Variants in SATL1 observed in about 807,000 individuals in gnomAD.
SATL1 encodes the protein spermidine/spermine N(1)-acetyltransferase-like protein 1.
SATL1 carries 47 observed loss-of-function variants against 51.8 expected under a neutral mutation model. The observed-to-expected ratio is 0.91, with a 90% confidence interval of 0.72 to 1.16. SATL1 has a LOEUF of 1.16. SATL1 is among the 50% of genes most tolerant of loss of function. The pLI is 0.00. For synonymous variants in SATL1, 176 were observed against 182.4 expected, an observed-to-expected ratio of 0.97 and a Z score of 0.28; for missense variants, 520 against 526.4, an observed-to-expected ratio of 0.99 and a Z score of 0.12.
chrX:85,175,877 A>T (rs1927071818), intron 2 of SATL1, among the ~76,000 whole-genome samples: 1 of 110,926 alleles, frequency 9.0e-6, no homozygotes, highest in South Asian at 3.8e-4. Flanking sequence ...TTATCTCCTG[A>T]TATTACTTCC....
At chrX:85,094,504 G>A (rs1924635650) in intron 5 of SATL1, among the ~76,000 whole-genome samples, 1 of 111,746 alleles carries the variant, frequency 8.9e-6, no homozygotes, top group Non-Finnish European at 1.9e-5. Context: ...TGTGCTTTGG[G>A]AGGCCAAGGC....
At chrX:85,192,680 C>G (rs1408622865) in intron 2 of SATL1, among the ~76,000 whole-genome samples, 2 of 111,339 alleles carry the variant, frequency 1.8e-5, no homozygotes, top group Non-Finnish European at 3.8e-5. Flanking sequence ...ATATACTCCC[C>G]CCATAGTGCA....
At chrX:85,094,253 T>C (rs755133696) in intron 5 of SATL1, 24 bp from the exon 6 acceptor site, 2 of 923,404 alleles carry the variant, frequency 2.2e-6, no homozygotes, top group South Asian at 4.2e-5. Context: ...AGAAAGGGTG[T>C]AGAAAGGTTG....
At chrX:85,191,885 C>G (rs1362084470) in intron 2 of SATL1, among the ~76,000 whole-genome samples, 1 of 111,396 alleles carries the variant, frequency 9.0e-6, no homozygotes, top group African/African-American at 3.3e-5. Context: ...CTGCATTGTT[C>G]AAGGTTCAAC....
At chrX:85,114,364 A>G (rs891422568) in intron 2 of SATL1, among the ~76,000 whole-genome samples, 2 of 111,413 alleles carry the variant, frequency 1.8e-5, no homozygotes, top group Admixed American at 1.9e-4. Context: ...CTATTTGTTC[A>G]CTGCATGCAG....
At chrX:85,177,446 G>A (rs1285264721) in intron 2 of SATL1, among the ~76,000 whole-genome samples, 2 of 111,192 alleles carry the variant, frequency 1.8e-5, no homozygotes, top group Non-Finnish European at 3.8e-5. Context: ...CCAGTCCTTT[G>A]CTGGGATGTG....
intron 2 of SATL1, among the ~76,000 whole-genome samples, chrX:85,129,645 T>C (rs1925725467): frequency 8.9e-6 from 1 of 111,760 alleles, no homozygotes; most frequent in Non-Finnish European, 1.9e-5. Flanking sequence ...TATTTCTTTC[T>C]CTTGCCTGAT....
chrX:85,096,635 T>G (rs988605106), intron 4 of SATL1, among the ~76,000 whole-genome samples: 3 of 111,255 alleles, frequency 2.7e-5, no homozygotes, highest in Non-Finnish European at 5.7e-5. Flanking sequence ...CACAGAATCT[T>G]ACACAGCAAG....
At chrX:85,156,652 T>C (rs1569238774) in intron 2 of SATL1, among the ~76,000 whole-genome samples, 1 of 107,524 alleles carries the variant, frequency 9.3e-6, no homozygotes. Context: ...GAGTGCTGTC[T>C]ACTATTCCTC....
chrX:85,109,011 G>T lies in SATL1; in HGVS notation c.-43C>A. ...TTTGTTGACTAAGGATGGGGTGGCA[G>T]ATGATGGGTTGGCAGACAACTGATT... On this transcript the variant is annotated 5_prime_UTR_variant, in exon 3 of 8. In the 5' UTR this introduces an upstream ATG that the reference lacks. Transcript: ENST00000644105. 1 of 1,123,451 alleles carries T rather than the reference G, an allele frequency of 8.9e-7. No homozygotes were observed. Among genetic ancestry groups the T allele is most frequent in the Non-Finnish European group, 1.2e-6 (1 of 834,072 alleles). 92.6% of individuals were successfully genotyped at this position (1,123,451 alleles called of 1,213,427 possible).
In SATL1 at chrX:85,092,440, A is replaced by T; in HGVS notation, c.2039T>A (p.Leu680His). ...GAGTTCTTCTCTGTTAAACCTGAAGAGATGCCAGCCCTCCTCAGAGGAAAG... is the reference window on the plus strand; with the variant it reads ...GAGTTCTTCTCTGTTAAACCTGAAGTGATGCCAGCCCTCCTCAGAGGAAAG... ...LDLSSEEGWH[L>H]FRFNREELLD... The change falls in exon 8 of 8, where the codon CTC becomes CAC. Residue 680 changes from leucine (L) to histidine (H), a missense_variant. This residue lies in a region of SATL1 where 488 missense variants were observed against 474.3 expected (regional missense o/e 1.03). Transcript: ENST00000644105. 1 of 1,195,986 alleles carries T rather than the reference A, an allele frequency of 8.4e-7. No homozygotes were observed. The highest frequency in any genetic ancestry group is 1.1e-6 in the Non-Finnish European group (1 of 887,362).
At chrX:85,234,941 A>G (rs1212111429) in intron 1 of SATL1, among the ~76,000 whole-genome samples, 1 of 111,307 alleles carries the variant, frequency 9.0e-6, no homozygotes, top group Admixed American at 9.5e-5. Context: ...AAAAAAAACA[A>G]TAACAAGACC....
At chrX:85,209,921 A>C (rs1018705566) in intron 2 of SATL1, 2 of 109,743 alleles carry the variant, frequency 1.8e-5, no homozygotes, top group Admixed American at 9.8e-5. Context: ...TTTAATTGTA[A>C]TGTCAGGGTG....
chrX:85,229,236 T>TA (rs1243598600), intron 1 of SATL1, among the ~76,000 whole-genome samples: 1 of 111,044 alleles, frequency 9.0e-6, no homozygotes, highest in South Asian at 3.8e-4. Flanking sequence ...ACCAAACATC[T>TA]AAAAAAAGAA....
chrX:85,163,071 G>A (rs1478363791), intron 2 of SATL1, among the ~76,000 whole-genome samples: 2 of 109,647 alleles, frequency 1.8e-5, no homozygotes, highest in South Asian at 3.9e-4. Context: ...AATGATTTAG[G>A]GAGGATTCCC....
intron 2 of SATL1, among the ~76,000 whole-genome samples, chrX:85,200,624 C>T: frequency 9.0e-6 from 1 of 111,248 alleles, no homozygotes; most frequent in Middle Eastern, 4.7e-3. Flanking sequence ...CCATGATCCC[C>T]AGTCTTATTC....
intron 2 of SATL1, among the ~76,000 whole-genome samples, chrX:85,205,849 T>C (rs2017488546): frequency 9.0e-6 from 1 of 111,630 alleles, no homozygotes; most frequent in Non-Finnish European, 1.9e-5. Flanking sequence ...CAGAATCTGA[T>C]AGAAGTCTAA....
At chrX:85,158,581 C>T (rs1361471523) in intron 2 of SATL1, among the ~76,000 whole-genome samples, 1 of 111,674 alleles carries the variant, frequency 9.0e-6, no homozygotes, top group Admixed American at 9.6e-5. Context: ...AAGGAATATG[C>T]TTGAATTACT....
chrX:85,129,105 G>T (rs1315190734), intron 2 of SATL1, among the ~76,000 whole-genome samples: 1 of 111,694 alleles, frequency 9.0e-6, no homozygotes, highest in Non-Finnish European at 1.9e-5. Flanking sequence ...TGCTCTTTTG[G>T]CTTAGGATTC....
Sources: allele counts gnomAD v4.1 joint callset (sites outside exome capture counted in the v4.1 genomes callset), GRCh38; gene constraint gnomAD v4.1.1; regional missense constraint gnomAD v4.1.1; transcripts MANE v1.5; gene names NCBI Gene and HGNC (gene_info 2026-07-23, HGNC 2026-07-21).